The following TNXB variants were observed in gnomAD, a reference collection of about 807,000 sequenced individuals.
TNXB encodes tenascin XB, also known as tenascin-X.
TNXB carries 183 observed loss-of-function variants against 340.5 expected under a neutral mutation model. The ratio of observed to expected loss-of-function variants is 0.54; its 90% CI spans 0.48 to 0.61. The LOEUF (loss-of-function observed/expected upper bound fraction) is 0.61. TNXB is among the 20% of genes least tolerant of loss of function. The pLI, the probability that TNXB is intolerant of heterozygous loss-of-function variation, is 0.00. For synonymous variants in TNXB, 2,121 were observed against 2,314.5 expected (o/e 0.92, Z 2.40); for missense variants, 4,613 against 5,446.4 (o/e 0.85, Z 4.82).
chr6:32,062,504 G>C lies in TNXB; in HGVS notation c.6842-21C>G, dbSNP rs1172924955. The C allele has an allele frequency of 1.3e-6, 2 of 1,574,302 alleles. No individual in the cohort carries two copies. The highest frequency in any genetic ancestry group is 1.8e-5 in the Admixed American group (1 of 54,388). ...TGGGGCTGCATCAGAAAATAGAATGGGTGGGCATGCCTGGTGGGCCTCCTT... is the reference window on the plus strand; with the variant it reads ...TGGGGCTGCATCAGAAAATAGAATGCGTGGGCATGCCTGGTGGGCCTCCTT... On this transcript the variant is annotated intron_variant, in intron 19 of 43. Coordinates refer to ENST00000644971, the MANE Select transcript of TNXB (RefSeq NM_001365276.2). The surrounding 1 kb of genome is among the most constrained non-coding windows in gnomAD (Gnocchi z 4.3).
Position 32,097,535 on chromosome 6 carries a change from A to C in TNXB, c.404-86T>G. On this transcript the variant is annotated intron_variant, in intron 2 of 43. Transcript: ENST00000644971. This position sits in a 1 kb window ranked among gnomAD's most constrained non-coding sequence, Gnocchi z 5.9. ...GTAGTGCTCCTATGTGCAGGCCCCT[A>C]GCCAGGCTAGCCTCATCTCATAAGG... 1.4e-6 allele frequency: 2 copies of C among 1,458,532 alleles called. No homozygotes were observed. The highest frequency in any genetic ancestry group is 2.7e-5 in the South Asian group (2 of 73,718). The allele number at this position is 1,458,532 out of a possible 1,614,324, so 90.3% of individuals were successfully genotyped here.
In TNXB at chr6:32,052,819, C is replaced by T. The variant is rs775312280; in HGVS notation, c.8966G>A (p.Arg2989Lys). 41 of 1,613,720 alleles carry T rather than the reference C, an allele frequency of 2.5e-5. No individual in the cohort carries two copies. The highest frequency in any genetic ancestry group is 3.5e-5 in the Non-Finnish European group (41 of 1,179,892). Residue 2989 changes from arginine (R) to lysine (K), a missense_variant, in exon 26 of 44, where the codon AGG (arginine) becomes AAG (lysine). Arg to Lys is a conservative substitution (Grantham distance 26). Transcript: ENST00000644971. This position sits in a 1 kb window ranked among gnomAD's most constrained non-coding sequence, Gnocchi z 4.7. Reference protein sequence around the residue: ...FDSFTVQYKDRDGRPQVVRVR... With the variant: ...FDSFTVQYKDKDGRPQVVRVR... ...ACGCACCACCTGGGGCCGCCCGTCC[C>T]TGTCCTTGTACTGCACAGTGAAGGA...
rs1420965946 is a variant in TNXB, at chr6:32,042,381, C to T, written c.12211-19G>A. 1 of 1,593,006 alleles carries T rather than the reference C, an allele frequency of 6.3e-7. No homozygotes were observed. Among genetic ancestry groups the T allele is most frequent in the African/African-American group, 1.4e-5 (1 of 70,818 alleles). ...GGAACACCTGGGAAGCAAGTGGGGG[C>T]ACCATCAGCCTCTGGCTCCCGGGGC... is the stretch of plus-strand genomic sequence containing the variant. On this transcript the variant is annotated intron_variant, in intron 40 of 43. Coordinates refer to ENST00000644971, the MANE Select transcript of TNXB (RefSeq NM_001365276.2).
Position 32,096,489 on chromosome 6 carries a change from C to T in TNXB, c.1364G>A (p.Gly455Asp), listed in dbSNP as rs781498063. The change falls in exon 3 of 44, where the codon GGC (glycine) becomes GAC (aspartate). Residue 455 changes from glycine to aspartate, a missense_variant. Coordinates refer to ENST00000644971, the MANE Select transcript of TNXB (RefSeq NM_001365276.2). ...CENGVCVCNA[G>D]YSGEDCGVRS... The stretch of plus-strand genomic sequence containing the variant: ...CACACCGCAGTCCTCGCCGCTGTAG[C>T]CCGCATTGCAAACACACACGCCGTT... 6.2e-7 allele frequency: 1 copy of T among 1,600,922 alleles called. No individual in the cohort carries two copies. Among genetic ancestry groups the T allele is most frequent in the East Asian group, 2.2e-5 (1 of 44,834 alleles).
chr6:32,093,599 G>A (rs1369327287), intron 4 of TNXB: 1 of 461,184 alleles, frequency 2.2e-6, no homozygotes, highest in Admixed American at 3.7e-5. Flanking sequence ...AGCTGATGAA[G>A]ATGAGGATGA....
intron 28 of TNXB, among the ~76,000 whole-genome samples, 179 bp from the exon 29 acceptor site, chr6:32,048,829 C>T (rs949418130): frequency 9.9e-5 from 15 of 152,238 alleles, no homozygotes; most frequent in Non-Finnish European, 1.9e-4. Flanking sequence ...AACCCTCGCA[C>T]AACATATGAA....
At position 32,064,298 on chromosome 6, in the gene TNXB, C is replaced by T. The variant is rs373588483; in HGVS notation, c.6841+523G>A. Among the ~76,000 whole-genome samples the T allele has an allele frequency of 4.2e-4, 64 of 152,224 alleles. No homozygotes were observed. The East Asian group carries it at 0.012, about 29-fold the overall frequency. On this transcript the variant is annotated intron_variant, in intron 19 of 43. Transcript: ENST00000644971. The surrounding 1 kb of genome is among the most constrained non-coding windows in gnomAD (Gnocchi z 5.3). Reference sequence around the variant, plus strand: ...CTCGATCTCGGCTCACTGCAACCTCCGCCTCCTGGGTTCAAGCGATTCTCC... The same window carrying T: ...CTCGATCTCGGCTCACTGCAACCTCTGCCTCCTGGGTTCAAGCGATTCTCC...
intron 18 of TNXB, among the ~76,000 whole-genome samples, chr6:32,066,880 G>C (rs530880999): frequency 6.6e-6 from 1 of 152,180 alleles, no homozygotes; most frequent in East Asian, 1.9e-4. Flanking sequence ...GACTGGCCTG[G>C]GCAACATGGC....
In TNXB at chr6:32,068,462, T is replaced by C. The variant is rs1193385666; in HGVS notation, c.6148A>G (p.Lys2050Glu). The change falls in exon 17 of 44, where the codon AAA becomes GAA. Residue 2050 changes from lysine to glutamate, a missense_variant. Physicochemically the swap from Lys to Glu is moderately conservative, Grantham distance 56. Around this residue, in one of 7 missense-constraint regions of TNXB, gnomAD observed 4,327 missense variants for 4,859.4 expected, o/e 0.89. Transcript: ENST00000644971. The surrounding 1 kb of genome is among the most constrained non-coding windows in gnomAD (Gnocchi z 5.3). ...VTISGLEPDHKYKMNLYGFHG... is the reference protein window; with the variant it reads ...VTISGLEPDHEYKMNLYGFHG... ...AAGCCGTACAGGTTCATCTTGTATT[T>C]ATGGTCTGGCTCCAGGCCCGAGATG... is the stretch of plus-strand genomic sequence containing the variant. 1.9e-6 allele frequency: 3 copies of C among 1,613,780 alleles called. No individual in the cohort carries two copies. The African/African-American group carries it at 4.0e-5, about 22-fold the overall frequency.
At position 32,062,396 on chromosome 6, in the gene TNXB, G is replaced by A. The variant is rs765779230; in HGVS notation, c.6929C>T (p.Thr2310Ile). 3 of 1,613,248 alleles carry A rather than the reference G, an allele frequency of 1.9e-6. No individual in the cohort carries two copies. The highest frequency in any genetic ancestry group is 2.5e-6 in the Non-Finnish European group (3 of 1,179,874). The change falls in exon 20 of 44, where the codon ACC becomes ATC. Residue 2310 changes from threonine to isoleucine, a missense_variant. Thr to Ile is a moderately conservative substitution (Grantham distance 89). This residue lies in a region of TNXB where 4,327 missense variants were observed against 4,859.4 expected (regional missense o/e 0.89). Coordinates refer to ENST00000644971, the MANE Select transcript of TNXB (RefSeq NM_001365276.2). The surrounding 1 kb of genome is among the most constrained non-coding windows in gnomAD (Gnocchi z 4.3). ...GGAGTCAGGGGTCGCATCTGTCACGGTCAGCTCCTCCAGGCGAGGCTTGAT... is the reference window on the plus strand; with the variant it reads ...GGAGTCAGGGGTCGCATCTGTCACGATCAGCTCCTCCAGGCGAGGCTTGAT... ...PPIKPRLEEL[T>I]VTDATPDSLS...
chr6:32,096,141 T>G lies in TNXB; in HGVS notation c.1712A>C (p.Asp571Ala). 1 of 1,597,212 alleles carries G rather than the reference T, an allele frequency of 6.3e-7. No individual in the cohort carries two copies. Among genetic ancestry groups the G allele is most frequent in the Non-Finnish European group, 8.5e-7 (1 of 1,173,590 alleles). Residue 571 changes from aspartate (D) to alanine (A), a missense_variant, in exon 3 of 44, where the codon GAT becomes GCT. Around this residue, in one of 7 missense-constraint regions of TNXB, gnomAD observed 4,327 missense variants for 4,859.4 expected, o/e 0.89. Coordinates refer to ENST00000644971, the MANE Select transcript of TNXB (RefSeq NM_001365276.2). ...GCCGTCCTCGCACACACACCGCCCATCTAGGCACTGGCCGCGGCCTCGGCA... is the reference window on the plus strand; with the variant it reads ...GCCGTCCTCGCACACACACCGCCCAGCTAGGCACTGGCCGCGGCCTCGGCA... ...GGCRGRGQCL[D>A]GRCVCEDGYS...
At chr6:32,076,689 A>G (rs1239572644) in intron 11 of TNXB, among the ~76,000 whole-genome samples, 1 of 152,156 alleles carries the variant, frequency 6.6e-6, no homozygotes, top group African/African-American at 2.4e-5. Flanking sequence ...GTTTTTCAAG[A>G]TCATACAGCT....
rs1332267129 is a variant in TNXB, at chr6:32,064,895, T to C, written c.6767A>G (p.His2256Arg). ...GCCGTACAGGTTCATCTTGTACTTGTGGTCTGGCTCCAGGCCCGAGATGGT... is the reference window on the plus strand; with the variant it reads ...GCCGTACAGGTTCATCTTGTACTTGCGGTCTGGCTCCAGGCCCGAGATGGT... ...GVTISGLEPD[H>R]KYKMNLYGFH... is the part of the protein sequence containing the mutation. The change falls in exon 19 of 44, where the codon CAC becomes CGC. Residue 2256 changes from histidine to arginine, a missense_variant. Physicochemically the swap from His to Arg is conservative, Grantham distance 29 (BLOSUM62 0). Transcript: ENST00000644971. This position sits in a 1 kb window ranked among gnomAD's most constrained non-coding sequence, Gnocchi z 5.3. 6.2e-7 allele frequency: 1 copy of C among 1,612,696 alleles called. No individual in the cohort carries two copies. Among genetic ancestry groups the C allele is most frequent in the Non-Finnish European group, 8.5e-7 (1 of 1,179,852 alleles).
rs376131878 is a variant in TNXB at position 32,083,290 on chromosome 6, C to T, written c.3446-964G>A. ...TGCCTCCGCTGTGAGTGTAGGCTGT[C>T]GACAGGGTTCCAGTGGCCCTGTCTC... On this transcript the variant is annotated intron_variant, in intron 8 of 43. Transcript: ENST00000644971. The surrounding 1 kb of genome is among the most constrained non-coding windows in gnomAD (Gnocchi z 4.6). Among the ~76,000 whole-genome samples, 10 of 152,138 alleles carry T rather than the reference C, an allele frequency of 6.6e-5. No homozygotes were observed. The South Asian group carries it at 2.1e-3, about 32-fold the overall frequency.
Position 32,097,759 on chromosome 6 carries a change from C to T in TNXB, c.403+37G>A, listed in dbSNP as rs994466060. The T allele has an allele frequency of 6.7e-7, 1 of 1,494,434 alleles. No homozygotes were observed. Among genetic ancestry groups the T allele is most frequent in the African/African-American group, 1.4e-5 (1 of 71,412 alleles). 92.6% of individuals were successfully genotyped at this position (1,494,434 alleles called of 1,614,324 possible). On this transcript the variant is annotated intron_variant, in intron 2 of 43. Transcript: ENST00000644971. This position sits in a 1 kb window ranked among gnomAD's most constrained non-coding sequence, Gnocchi z 5.9. ...TATGGACTAGCAATGCCCACCCCAC[C>T]CCACCTCTCCACCCTCTTCTGTGAT...
rs369139181 is a variant in TNXB at position 32,079,289 on chromosome 6, C to G, written c.4119G>C (p.Pro1373=). 8.1e-6 allele frequency: 13 copies of G among 1,612,950 alleles called. No homozygotes were observed. Among genetic ancestry groups the G allele is most frequent in the African/African-American group, 1.3e-5 (1 of 74,920 alleles). Residue 1373 remains proline (P), a synonymous_variant, in exon 11 of 44, where the codon CCG becomes CCC. Coordinates refer to ENST00000644971, the MANE Select transcript of TNXB (RefSeq NM_001365276.2). This position sits in a 1 kb window ranked among gnomAD's most constrained non-coding sequence, Gnocchi z 7.1. ...GTEAPESPEE[P]LLGELTVTGS... ...CTGTCACTGTCAGCTCCCCCAGGAG[C>G]GGCTCCTCGGGGGACTCCGGGGCCT...
chr6:32,060,849 G>A (rs1777963528), intron 21 of TNXB, among the ~76,000 whole-genome samples: 1 of 151,978 alleles, frequency 6.6e-6, no homozygotes. Context: ...ATGTTGGCTA[G>A]ACTGGTCTGG....
intron 1 of TNXB, among the ~76,000 whole-genome samples, chr6:32,105,380 T>C (rs1176937342): frequency 6.6e-6 from 1 of 152,218 alleles, no homozygotes; most frequent in East Asian, 1.9e-4. Context: ...TATAAACAAA[T>C]ATTTTTTTGA....
intron 18 of TNXB, among the ~76,000 whole-genome samples, chr6:32,065,761 T>C (rs758199201): frequency 6.6e-6 from 1 of 152,156 alleles, no homozygotes; most frequent in Non-Finnish European, 1.5e-5. Context: ...TAGCTGGGAC[T>C]ACAGGCACGT....
Sources: allele counts gnomAD v4.1 joint callset (sites outside exome capture counted in the v4.1 genomes callset), GRCh38; gene constraint gnomAD v4.1.1; regional missense constraint gnomAD v4.1.1; non-coding constraint Gnocchi (gnomAD v3.1); transcripts MANE v1.5; gene names NCBI Gene and HGNC (gene_info 2026-07-23, HGNC 2026-07-21).